Variants in ITFG1 observed in about 807,000 individuals in gnomAD.
ITFG1 encodes integrin alpha FG-GAP repeat containing 1.
Under a neutral mutation model 81.8 loss-of-function variants are expected in ITFG1, and 34 were observed. That is an observed-to-expected ratio of 0.42 (90% CI 0.32 to 0.55). The LOEUF (loss-of-function observed/expected upper bound fraction) is 0.55. Among genes scored for constraint, ITFG1 ranks in the 20% least tolerant of loss-of-function variants. The probability of loss-of-function intolerance (pLI) is 0.17; values close to 1 mark genes in which losing one functional copy is unlikely to be tolerated. For synonymous variants in ITFG1, 285 were observed against 270.6 expected, an observed-to-expected ratio of 1.05 and a Z score of -0.52; for missense variants, 672 against 755.4, an observed-to-expected ratio of 0.89 and a Z score of 1.29.
chr16:47,403,022 G>A (rs1485393756), intron 6 of ITFG1, among the ~76,000 whole-genome samples: 1 of 152,086 alleles, frequency 6.6e-6, no homozygotes, highest in Non-Finnish European at 1.5e-5. Flanking sequence ...AGATCATAAA[G>A]AGGGTCTATA....
intron 14 of ITFG1, among the ~76,000 whole-genome samples, chr16:47,182,550 A>G (rs1011332576): frequency 6.6e-6 from 1 of 152,196 alleles, no homozygotes; most frequent in Non-Finnish European, 1.5e-5. Flanking sequence ...TGTACACTGT[A>G]TGCCTTTTAC....
At chr16:47,203,258 G>A (rs1965449968) in intron 14 of ITFG1, among the ~76,000 whole-genome samples, 1 of 152,126 alleles carries the variant, frequency 6.6e-6, no homozygotes, top group South Asian at 2.1e-4. Context: ...GACAAATACC[G>A]TGTGATTCCA....
chr16:47,348,167 A>G (rs1345497795), intron 8 of ITFG1, among the ~76,000 whole-genome samples: 3 of 152,210 alleles, frequency 2.0e-5, no homozygotes, highest in Non-Finnish European at 4.4e-5. Flanking sequence ...TCCTCCTCCA[A>G]AGGAACGCAA....
chr16:47,200,791 T>C (rs545947409), intron 14 of ITFG1, among the ~76,000 whole-genome samples: 1 of 152,272 alleles, frequency 6.6e-6, no homozygotes, highest in Admixed American at 6.5e-5. Flanking sequence ...GCTGAAACTT[T>C]GGTGGTGGGG....
At chr16:47,437,176 A>G (rs1227684965) in intron 5 of ITFG1, among the ~76,000 whole-genome samples, 1 of 152,214 alleles carries the variant, frequency 6.6e-6, no homozygotes, top group Non-Finnish European at 1.5e-5. Flanking sequence ...TTTTGAAAAC[A>G]AATCTTTAGG....
rs1311137354 is a variant in ITFG1 at position 47,260,643 on chromosome 16, C to T, written c.1123G>A (p.Glu375Lys). Residue 375 changes from glutamate to lysine, a missense_variant, in exon 11 of 18, where the codon GAA becomes AAA. By Grantham distance (56) the Glu-to-Lys change is moderately conservative. Around this residue, in one of 3 missense-constraint regions of ITFG1, gnomAD observed 560 missense variants for 625.7 expected, o/e 0.90. Transcript: ENST00000320640. ...ACTTTAAACATTCGACGCGCCTCTTCACAGCTTGCATTATTACAAGGGACG... is the reference window on the plus strand; with the variant it reads ...ACTTTAAACATTCGACGCGCCTCTTTACAGCTTGCATTATTACAAGGGACG... ...ENVPCNNASCEEARRMFKVYW... is the reference protein window; with the variant it reads ...ENVPCNNASCKEARRMFKVYW... 6.2e-7 allele frequency: 1 copy of T among 1,614,096 alleles called. No homozygotes were observed. Among genetic ancestry groups the T allele is most frequent in the African/African-American group, 1.3e-5 (1 of 74,934 alleles).
intron 10 of ITFG1, among the ~76,000 whole-genome samples, chr16:47,305,682 T>G (rs1967146874): frequency 6.6e-6 from 1 of 152,198 alleles, no homozygotes; most frequent in African/African-American, 2.4e-5. Context: ...TCACCAGACT[T>G]GACTAGCAAA....
At chr16:47,263,330 G>A in intron 10 of ITFG1, 1 of 474,086 alleles carries the variant, frequency 2.1e-6, no homozygotes, top group South Asian at 1.6e-5. Context: ...AATGGAGCAG[G>A]CCTATGATCT....
rs117355499 is a variant in ITFG1, at chr16:47,266,453, A to C, written c.1071-5758T>G. ...GGCTGGTCTTGAACTCCTGACTTCA[A>C]GTGATCTGCCCACCTGGGCCTCCCA... On this transcript the variant is annotated intron_variant, in intron 10 of 17. Transcript: ENST00000320640. Among the ~76,000 whole-genome samples, 1,497 of 152,316 alleles carry C rather than the reference A, an allele frequency of 9.8e-3. 10 individuals are homozygous for C. The highest frequency in any genetic ancestry group is 0.015 in the Non-Finnish European group (1,003 of 68,024).
chr16:47,202,584 A>T (rs959549071), intron 14 of ITFG1, among the ~76,000 whole-genome samples: 1 of 148,894 alleles, frequency 6.7e-6, no homozygotes, highest in Admixed American at 6.7e-5. Flanking sequence ...TGCAGGTGTA[A>T]CTTAAAAAAA....
chr16:47,426,624 T>C (rs931295778), intron 6 of ITFG1, among the ~76,000 whole-genome samples: 6 of 151,532 alleles, frequency 4.0e-5, no homozygotes, highest in African/African-American at 1.5e-4. Context: ...CCTAGAATCT[T>C]AGATTCATAA....
chr16:47,276,270 A>G (rs372935184), intron 10 of ITFG1, among the ~76,000 whole-genome samples: 124 of 152,252 alleles, frequency 8.1e-4, no homozygotes, highest in African/African-American at 2.6e-3. Context: ...GAAAAGTAAT[A>G]GGAAAAAAAA....
chr16:47,385,547 A>G (rs963391113), intron 6 of ITFG1, among the ~76,000 whole-genome samples: 2 of 152,390 alleles, frequency 1.3e-5, no homozygotes, highest in Admixed American at 1.3e-4. Flanking sequence ...TATTAAAAAT[A>G]TTAAGGCTTC....
At chr16:47,281,072 G>A (rs932366392) in intron 10 of ITFG1, among the ~76,000 whole-genome samples, 2 of 152,130 alleles carry the variant, frequency 1.3e-5, no homozygotes, top group Non-Finnish European at 2.9e-5. Context: ...ACATGGGGAG[G>A]AATGAGGACT....
At chr16:47,339,179 C>T (rs1967748609) in intron 8 of ITFG1, among the ~76,000 whole-genome samples, 1 of 152,100 alleles carries the variant, frequency 6.6e-6, no homozygotes, top group Non-Finnish European at 1.5e-5. Context: ...ATAGATGTAC[C>T]ACATTTTCTT....
At position 47,289,953 on chromosome 16, in the gene ITFG1, T is replaced by C. The variant is rs1158374328; in HGVS notation, c.1070+21287A>G. 3.3e-5 allele frequency among the ~76,000 whole-genome samples: 5 copies of C among 152,120 alleles called. 1 individual carries two copies. Among genetic ancestry groups the C allele is most frequent in the African/African-American group, 1.2e-4 (5 of 41,456 alleles). ...TTAGGTGGTTTATTTAAAATCTTTC[T>C]AGTTTTTTAATGTTGGTGTTTATAT... On this transcript the variant is annotated intron_variant, in intron 10 of 17. Transcript: ENST00000320640.
intron 9 of ITFG1, chr16:47,312,385 G>T (rs1252836418): frequency 6.6e-6 from 1 of 152,032 alleles, no homozygotes; most frequent in East Asian, 1.9e-4. Context: ...TTATATTAAA[G>T]ATGGTTTCTT....
chr16:47,430,643 T>C (rs1969083596), intron 5 of ITFG1, among the ~76,000 whole-genome samples: 1 of 152,164 alleles, frequency 6.6e-6, no homozygotes, highest in Admixed American at 6.5e-5. Context: ...TTTACAAATA[T>C]TAATTCTAAA....
chr16:47,394,944 G>A (rs979155789), intron 6 of ITFG1, among the ~76,000 whole-genome samples: 2 of 152,102 alleles, frequency 1.3e-5, no homozygotes, highest in Non-Finnish European at 2.9e-5. Flanking sequence ...CAGGAGTGGT[G>A]CAGCTAAATA....
Sources: gnomAD v4.1 joint callset for allele counts (sites outside exome capture counted in the v4.1 genomes callset) on GRCh38, gnomAD v4.1.1 for gene constraint, gnomAD v4.1.1 regional missense constraint, MANE v1.5 for transcripts, NCBI Gene and HGNC (gene_info 2026-07-23, HGNC 2026-07-21) for gene names.